INTS4: variants seen among roughly 807,000 people sequenced by gnomAD.
INTS4 encodes the protein MSTP093.
INTS4 carries 70 observed loss-of-function variants against 119.5 expected under a neutral mutation model. The ratio of observed to expected loss-of-function variants is 0.59; its 90% confidence interval spans 0.48 to 0.71. INTS4 has a LOEUF of 0.71. INTS4 is among the 30% of genes least tolerant of loss of function. INTS4 has a pLI of 0.00. For missense variants in INTS4, 867 were observed against 1,173.2 expected, an observed-to-expected ratio of 0.74 and a Z score of 3.81; for synonymous variants, 316 against 419.6, an observed-to-expected ratio of 0.75 and a Z score of 3.02.
intron 15 of INTS4, among the ~76,000 whole-genome samples, chr11:77,912,560 T>C (rs772631001): frequency 6.6e-5 from 10 of 152,238 alleles, no homozygotes. Context: ...TAAATCACTA[T>C]TAAAGATAGT....
chr11:77,959,735 T>C (rs1487692239), intron 6 of INTS4, among the ~76,000 whole-genome samples: 1 of 152,142 alleles, frequency 6.6e-6, no homozygotes, highest in Non-Finnish European at 1.5e-5. Flanking sequence ...CTTCTTCCCA[T>C]GAGAGATAAA....
At chr11:77,910,109 T>C (rs1296573308) in intron 15 of INTS4, among the ~76,000 whole-genome samples, 1 of 152,124 alleles carries the variant, frequency 6.6e-6, no homozygotes, top group Non-Finnish European at 1.5e-5. Flanking sequence ...ACCCAAAGGA[T>C]TATAAATCAT....
intron 3 of INTS4, among the ~76,000 whole-genome samples, chr11:77,981,229 C>A (rs1856204689): frequency 6.9e-6 from 1 of 143,944 alleles, no homozygotes; most frequent in Admixed American, 6.9e-5. Context: ...ATGTCTATAT[C>A]ATATGTAAAC....
intron 10 of INTS4, among the ~76,000 whole-genome samples, chr11:77,929,125 T>C (rs989640189): frequency 2.6e-5 from 4 of 151,898 alleles, no homozygotes; most frequent in Non-Finnish European, 5.9e-5. Context: ...GGTGGGAGGA[T>C]CATTTGAGCT....
In INTS4 at chr11:77,878,898, T is replaced by G. The variant is rs745649793; in HGVS notation, c.*51A>C. 9.1e-6 allele frequency: 13 copies of G among 1,432,508 alleles called. No homozygotes were observed. The South Asian group carries it at 1.5e-4, about 16-fold the overall frequency. 88.7% of individuals were successfully genotyped at this position (1,432,508 alleles called of 1,614,324 possible). A position where few individuals can be genotyped will look rare whatever the true frequency, so the allele number is the denominator to read the frequency against. ...GAAGTGCTTCAGGCTTGGCTCATTCTGACACCTAAGAAGGGCCCTCTAGGC... is the reference window on the plus strand; with the variant it reads ...GAAGTGCTTCAGGCTTGGCTCATTCGGACACCTAAGAAGGGCCCTCTAGGC... On this transcript the variant is annotated 3_prime_UTR_variant, in exon 23 of 23. Transcript: ENST00000534064.
Position 77,912,310 on chromosome 11 carries a change from C to T in INTS4, c.1923-4500G>A, listed in dbSNP as rs548446370. ...CTGGGAGGCAGAGGTTGCCGTGAACCGAGATTGCACCACTGCACTCCAGCC... is the reference window on the plus strand; with the variant it reads ...CTGGGAGGCAGAGGTTGCCGTGAACTGAGATTGCACCACTGCACTCCAGCC... On this transcript the variant is annotated intron_variant, in intron 15 of 22. Transcript: ENST00000534064. 7.7e-4 allele frequency among the ~76,000 whole-genome samples: 117 copies of T among 151,124 alleles called. 1 individual carries two copies. The highest frequency in any genetic ancestry group is 1.5e-3 in the African/African-American group (60 of 41,096).
intron 7 of INTS4, among the ~76,000 whole-genome samples, chr11:77,956,778 T>G: frequency 6.8e-6 from 1 of 147,878 alleles, no homozygotes; most frequent in African/African-American, 2.5e-5. Context: ...AATACATAAG[T>G]AAGTAAGGCT....
chr11:77,891,480 ATCCTATGATTTTAAAGCCAGGTCAT>A lies in INTS4; in HGVS notation c.2449-43_2449-19del, dbSNP rs1224105679. 1 of 1,613,078 alleles carries A rather than the reference ATCCTATGATTTTAAAGCCAGGTCAT, an allele frequency of 6.2e-7. No individual in the cohort carries two copies. The highest frequency in any genetic ancestry group is 1.1e-5 in the South Asian group (1 of 90,966). ...TTGTGGATCTGTAAGCAAGAGGAAA[ATCCTATGATTTTAAAGCCAGGTCAT>A]TCCTGGATGAGAAAACGCATCTTTT... On this transcript the variant is annotated intron_variant, in intron 20 of 22. Transcript: ENST00000534064.
intron 18 of INTS4, among the ~76,000 whole-genome samples, chr11:77,898,131 A>AT (rs1251966036): frequency 6.6e-6 from 1 of 151,876 alleles, no homozygotes; most frequent in African/African-American, 2.4e-5. Context: ...TGTTATTATT[A>AT]TTTTTTGCTC....
At chr11:77,920,813 C>T (rs1278472235) in intron 14 of INTS4, among the ~76,000 whole-genome samples, 1 of 151,868 alleles carries the variant, frequency 6.6e-6, no homozygotes, top group Non-Finnish European at 1.5e-5. Flanking sequence ...GATCGTGCCA[C>T]TGCACTTCAG....
downstream of INTS4, chr11:77,876,944 G>A (rs900731207): frequency 1.4e-6 from 1 of 702,940 alleles, no homozygotes; most frequent in African/African-American, 1.7e-5. Flanking sequence ...TCATGTTTTT[G>A]TCTAGGCTCC....
At chr11:77,938,996 A>G (rs1246790329) in intron 9 of INTS4, among the ~76,000 whole-genome samples, 171 bp from the exon 10 acceptor site, 1 of 152,210 alleles carries the variant, frequency 6.6e-6, no homozygotes, top group African/African-American at 2.4e-5. Context: ...AAATGAAACC[A>G]AAGCCTTGCT....
intron 2 of INTS4, among the ~76,000 whole-genome samples, chr11:77,983,356 GGCCTCCCAAAGT>G (rs1856318074): frequency 6.6e-6 from 1 of 152,066 alleles, no homozygotes; most frequent in Non-Finnish European, 1.5e-5. Flanking sequence ...CTCCTGCCTA[GGCCTCCCAAAGT>G]GCTGGGATTA....
intron 6 of INTS4, among the ~76,000 whole-genome samples, chr11:77,959,974 C>G (rs1464990926): frequency 1.3e-5 from 2 of 152,088 alleles, no homozygotes; most frequent in African/African-American, 4.8e-5. Flanking sequence ...TCTCCAGACA[C>G]ACTCTAGTTT....
chr11:77,981,312 A>G, intron 3 of INTS4, 147 bp downstream of exon 3: 1 of 410,850 alleles, frequency 2.4e-6, no homozygotes, highest in Non-Finnish European at 4.3e-6. Context: ...TTTCTACTCT[A>G]ATGTAAATAT....
intron 10 of INTS4, among the ~76,000 whole-genome samples, chr11:77,933,397 AT>A (rs56797128): frequency 1 from 152,096 of 152,098 alleles, 76,047 homozygotes; most frequent in Middle Eastern, 1. Flanking sequence ...TGGTTTTCGT[AT>A]TTTTTTTGGT....
intron 21 of INTS4, among the ~76,000 whole-genome samples, chr11:77,888,110 C>T (rs10899412): frequency 0.38 from 57,584 of 151,734 alleles, 11,259 homozygotes; most frequent in African/African-American, 0.47. Context: ...GAGCCCACAT[C>T]GCCAAGTCAA....
intron 8 of INTS4, among the ~76,000 whole-genome samples, chr11:77,942,096 C>T (rs1953941629): frequency 6.6e-6 from 1 of 152,028 alleles, no homozygotes. Context: ...ATTTAGCAAC[C>T]ATTCAATTAT....
At chr11:77,918,759 C>T in intron 15 of INTS4, 62 bp downstream of exon 15, 3 of 1,576,124 alleles carry the variant, frequency 1.9e-6, no homozygotes, top group Non-Finnish European at 2.6e-6. Context: ...CACCAGAATT[C>T]AGAACAGTCA....
Sources: gnomAD v4.1 joint callset for allele counts (sites outside exome capture counted in the v4.1 genomes callset) on GRCh38, gnomAD v4.1.1 for gene constraint, MANE v1.5 for transcripts, NCBI Gene and HGNC (gene_info 2026-07-23, HGNC 2026-07-21) for gene names.